The following FUT8 variants were observed in gnomAD, a reference collection of about 807,000 sequenced individuals.
The protein encoded by FUT8 is alpha-(1,6)-fucosyltransferase.
FUT8 carries 29 observed loss-of-function variants against 71.3 expected under a neutral mutation model. That is an observed-to-expected ratio of 0.41 (90% CI 0.30 to 0.55). The LOEUF is 0.55. Ranked by LOEUF, FUT8 falls within the 20% of genes least tolerant of loss-of-function variation. FUT8 has a pLI of 0.34. For synonymous variants in FUT8, 254 were observed against 239.3 expected (o/e 1.06, Z -0.57); for missense variants, 544 against 702.1 (o/e 0.77, Z 2.55).
chr14:65,658,242 A>C (rs2140342749), intron 6 of FUT8, among the ~76,000 whole-genome samples: 1 of 152,310 alleles, frequency 6.6e-6, no homozygotes, highest in East Asian at 1.9e-4. Context: ...AGGGAAATGC[A>C]AAAGACATGA....
intron 2 of FUT8, among the ~76,000 whole-genome samples, chr14:65,460,411 A>T (rs2065953954): frequency 6.6e-6 from 1 of 152,202 alleles, no homozygotes; most frequent in South Asian, 2.1e-4. Context: ...GCTCCTTTTA[A>T]AGATTGGAGT....
intron 1 of FUT8, among the ~76,000 whole-genome samples, chr14:65,425,692 TTC>T (rs2065374752): frequency 2.0e-5 from 3 of 152,064 alleles, no homozygotes; most frequent in Non-Finnish European, 4.4e-5. Flanking sequence ...AAAATCTCCT[TTC>T]TGGCTGGGAG....
chr14:65,468,303 C>T (rs1487758912), intron 2 of FUT8: 2 of 609,576 alleles, frequency 3.3e-6, no homozygotes, highest in Non-Finnish European at 6.2e-6. Context: ...GCCTAGAGAA[C>T]ATATATCGGG....
intron 2 of FUT8, among the ~76,000 whole-genome samples, chr14:65,462,510 A>G (rs540097904): frequency 2.0e-5 from 3 of 152,344 alleles, no homozygotes; most frequent in African/African-American, 4.8e-5. Context: ...CTTGTGGTCA[A>G]GAGATTTTAG....
chr14:65,406,124 G>A (rs1408623748), upstream of FUT8, among the ~76,000 whole-genome samples: 1 of 152,208 alleles, frequency 6.6e-6, no homozygotes, highest in Non-Finnish European at 1.5e-5. Context: ...TGGTAAAGGA[G>A]AACAGGATCT....
At chr14:65,368,745 T>A in the FUT8 span, among the ~76,000 whole-genome samples, 4 of 150,322 alleles carry the variant, frequency 2.7e-5, no homozygotes, top group East Asian at 8.0e-4. Flanking sequence ...ATGGTCTCGA[T>A]CTCCTGACCT....
chr14:65,567,222 A>T (rs1886242859), intron 3 of FUT8, among the ~76,000 whole-genome samples: 1 of 151,940 alleles, frequency 6.6e-6, no homozygotes, highest in Non-Finnish European at 1.5e-5. Context: ...TTCTTCTAGA[A>T]TTTAGATGCT....
chr14:65,433,011 C>G (rs896171169), intron 1 of FUT8, among the ~76,000 whole-genome samples: 5 of 152,064 alleles, frequency 3.3e-5, no homozygotes, highest in Non-Finnish European at 7.4e-5. Context: ...TCCAAAAACC[C>G]TCTCTTGGGA....
chr14:65,650,327 A>AAAC (rs1891327844), intron 6 of FUT8, among the ~76,000 whole-genome samples: 8 of 145,228 alleles, frequency 5.5e-5, no homozygotes, highest in Non-Finnish European at 1.2e-4. Flanking sequence ...AAAAAAAAAA[A>AAAC]CCTGAGACTG....
upstream of FUT8, chr14:65,412,512 G>C (rs747718015): frequency 2.8e-6 from 1 of 358,686 alleles, no homozygotes; most frequent in African/African-American, 2.1e-5. Flanking sequence ...GCGAGCCGGA[G>C]CCGGCGTGCG....
Position 65,697,835 on chromosome 14 carries a change from C to T in FUT8, c.836-23940C>T, listed in dbSNP as rs550723767. On this transcript the variant is annotated intron_variant, in intron 7 of 10. Transcript: ENST00000673929. Reference sequence around the variant, plus strand: ...CTAAAAATACAAACAATTAGCTGGGCGTGGTGGCACATTCCTGTAATCCCA... The same window carrying T: ...CTAAAAATACAAACAATTAGCTGGGTGTGGTGGCACATTCCTGTAATCCCA... 4.6e-5 allele frequency among the ~76,000 whole-genome samples: 7 copies of T among 152,052 alleles called. No individual in the cohort carries two copies. The South Asian group carries it at 1.2e-3, about 27-fold the overall frequency.
At chr14:65,421,037 A>G (rs2065285504) in intron 1 of FUT8, among the ~76,000 whole-genome samples, 1 of 152,016 alleles carries the variant, frequency 6.6e-6, no homozygotes, top group Non-Finnish European at 1.5e-5. Context: ...TACTAAAAAT[A>G]CAAAAATTAG....
At chr14:65,519,574 A>G (rs755541679) in intron 2 of FUT8, among the ~76,000 whole-genome samples, 5 of 152,196 alleles carry the variant, frequency 3.3e-5, no homozygotes, top group Admixed American at 1.3e-4. Flanking sequence ...TAAAAATAAT[A>G]AAGCTGCTTA....
intron 3 of FUT8, among the ~76,000 whole-genome samples, chr14:65,589,079 T>G (rs1203614987): frequency 6.6e-6 from 1 of 152,216 alleles, no homozygotes; most frequent in Non-Finnish European, 1.5e-5. Flanking sequence ...CTTTGTTCTT[T>G]TCTTCAGTGT....
At chr14:65,673,406 T>C (rs377743089) in intron 7 of FUT8, among the ~76,000 whole-genome samples, 3 of 152,244 alleles carry the variant, frequency 2.0e-5, no homozygotes, top group Non-Finnish European at 4.4e-5. Flanking sequence ...GGGGGAAAGA[T>C]AGACAACTGA....
chr14:65,650,653 A>C (rs2140321575), intron 6 of FUT8, among the ~76,000 whole-genome samples: 2 of 146,000 alleles, frequency 1.4e-5, no homozygotes, highest in South Asian at 4.4e-4. Flanking sequence ...TTTCAACTTG[A>C]GATTTGGGTG....
chr14:65,681,718 G>A (rs760875061), intron 7 of FUT8, among the ~76,000 whole-genome samples: 4 of 152,122 alleles, frequency 2.6e-5, no homozygotes, highest in Non-Finnish European at 4.4e-5. Context: ...CACTATGATC[G>A]TGATCACATT....
intron 7 of FUT8, among the ~76,000 whole-genome samples, chr14:65,681,209 G>A (rs1893018742): frequency 6.6e-6 from 1 of 152,022 alleles, no homozygotes; most frequent in African/African-American, 2.4e-5. Flanking sequence ...GCCAATACTT[G>A]TTACTCAGTT....
the FUT8 span, among the ~76,000 whole-genome samples, chr14:65,371,915 T>A: frequency 1.6e-4 from 25 of 152,182 alleles, no homozygotes; most frequent in African/African-American, 6.0e-4. Flanking sequence ...TGTATGTATA[T>A]ATATATACAA....
Sources: gnomAD v4.1 joint callset for allele counts (sites outside exome capture counted in the v4.1 genomes callset) on GRCh38, gnomAD v4.1.1 for gene constraint, MANE v1.5 for transcripts, NCBI Gene and HGNC (gene_info 2026-07-23, HGNC 2026-07-21) for gene names.